The following PLCL1 variants were observed in gnomAD, a reference collection of about 807,000 sequenced individuals.
The protein encoded by PLCL1 is inactive phospholipase C-like protein 1.
Under a neutral mutation model 84.4 loss-of-function variants are expected in PLCL1, and 41 were observed. The observed-to-expected ratio is 0.49, with a 90% confidence interval of 0.38 to 0.63. The LOEUF (loss-of-function observed/expected upper bound fraction) is 0.63, where lower values mean the gene tolerates loss of function less well. PLCL1 is among the 30% of genes least tolerant of loss of function. The pLI is 0.00. For synonymous variants in PLCL1, 490 were observed against 488.3 expected (o/e 1.00, Z -0.05); for missense variants, 1,206 against 1,367.8 (o/e 0.88, Z 1.87).
intron 1 of PLCL1, among the ~76,000 whole-genome samples, chr2:197,889,675 A>G (rs894789399): frequency 2.6e-5 from 4 of 152,198 alleles, no homozygotes; most frequent in African/African-American, 9.7e-5. Flanking sequence ...TCCAAACTAT[A>G]ATAAAATCCT....
In PLCL1 at chr2:198,032,408, T is replaced by C. The variant is rs900294464; in HGVS notation, c.241-51350T>C. Among the ~76,000 whole-genome samples the C allele has an allele frequency of 2.6e-5, 4 of 152,206 alleles. No individual in the cohort carries two copies. In the East Asian group the frequency reaches 7.7e-4, roughly 29 times the overall value. On this transcript the variant is annotated intron_variant, in intron 1 of 5. Transcript: ENST00000428675. The stretch of plus-strand genomic sequence containing the variant: ...CTGTTTGTCATCAGTGACAAGAGAT[T>C]GCCTCAGAAAGATAAAATAAGACTG...
intron 5 of PLCL1, among the ~76,000 whole-genome samples, 157 bp downstream of exon 5, chr2:198,104,093 A>G (rs1693411726): frequency 6.6e-6 from 1 of 151,746 alleles, no homozygotes; most frequent in Admixed American, 6.6e-5. Context: ...ATATAGGTAA[A>G]CTGTGTGTCG....
chr2:197,886,608 A>T (rs1341449824), intron 1 of PLCL1, among the ~76,000 whole-genome samples: 2 of 152,046 alleles, frequency 1.3e-5, no homozygotes, highest in East Asian at 3.9e-4. Context: ...AAAAAAAATT[A>T]TCAGAAAGAG....
At chr2:197,946,346 A>T (rs1689269423) in intron 1 of PLCL1, among the ~76,000 whole-genome samples, 1 of 152,196 alleles carries the variant, frequency 6.6e-6, no homozygotes, top group Admixed American at 6.5e-5. Flanking sequence ...GGGAAAAATA[A>T]TGACAGTACA....
chr2:197,870,175 G>GAATTACTA, intron 1 of PLCL1, among the ~76,000 whole-genome samples: 1 of 152,230 alleles, frequency 6.6e-6, no homozygotes, highest in South Asian at 2.1e-4. Context: ...GCTAGAATTT[G>GAATTACTA]AATTACTAAA....
intron 1 of PLCL1, among the ~76,000 whole-genome samples, chr2:198,058,009 TA>T (rs777821454): frequency 6.6e-6 from 1 of 152,310 alleles, no homozygotes; most frequent in Non-Finnish European, 1.5e-5. Flanking sequence ...ATTCAACAAA[TA>T]AATACTATGT....
At chr2:198,045,422 A>G (rs1317958116) in intron 1 of PLCL1, among the ~76,000 whole-genome samples, 1 of 152,166 alleles carries the variant, frequency 6.6e-6, no homozygotes, top group East Asian at 1.9e-4. Context: ...ATATTGCATT[A>G]TTTTAGATGG....
At position 197,877,653 on chromosome 2, in the gene PLCL1, T is replaced by C. The variant is rs552187921; in HGVS notation, c.240+72314T>C. On this transcript the variant is annotated intron_variant, in intron 1 of 5. Coordinates refer to ENST00000428675, the MANE Select transcript of PLCL1 (RefSeq NM_006226.4). Reference sequence around the variant, plus strand: ...CTGCCCAGGCCTGACTGGTTTAAAATGATGGTAATTCTAAAATATAAACAA... The same window carrying C: ...CTGCCCAGGCCTGACTGGTTTAAAACGATGGTAATTCTAAAATATAAACAA... Among the ~76,000 whole-genome samples, 36 of 152,214 alleles carry C rather than the reference T, an allele frequency of 2.4e-4. No homozygotes were observed. The South Asian group carries it at 7.0e-3, about 30-fold the overall frequency.
At chr2:197,969,345 AAT>A (rs1689813200) in intron 1 of PLCL1, among the ~76,000 whole-genome samples, 1 of 152,170 alleles carries the variant, frequency 6.6e-6, no homozygotes, top group Middle Eastern at 3.2e-3. Flanking sequence ...TGTCCTCTAT[AAT>A]AGAGTTGAGA....
chr2:197,929,856 T>C (rs1559048250), intron 1 of PLCL1, among the ~76,000 whole-genome samples: 1 of 152,204 alleles, frequency 6.6e-6, no homozygotes, highest in African/African-American at 2.4e-5. Context: ...TGTGAGGTTA[T>C]AGAATAATAG....
intron 1 of PLCL1, among the ~76,000 whole-genome samples, chr2:197,909,269 C>T (rs935891762): frequency 6.6e-6 from 1 of 152,154 alleles, no homozygotes; most frequent in East Asian, 1.9e-4. Context: ...ACCTTTCTTG[C>T]CCATTCTGGT....
At chr2:197,936,924 T>G (rs1242916498) in intron 1 of PLCL1, among the ~76,000 whole-genome samples, 6 of 152,204 alleles carry the variant, frequency 3.9e-5, no homozygotes, top group Non-Finnish European at 8.8e-5. Flanking sequence ...GGTCCTATAT[T>G]TAAGTCTTCA....
chr2:197,850,035 C>T (rs1397321144), intron 1 of PLCL1, among the ~76,000 whole-genome samples: 1 of 42,690 alleles, frequency 2.3e-5, no homozygotes, highest in African/African-American at 1.6e-4. Flanking sequence ...CACACAGACA[C>T]ACACACACAC....
chr2:197,820,572 TAAAAGCCAGAAGAG>T (rs1403250613), intron 1 of PLCL1, among the ~76,000 whole-genome samples: 9 of 152,146 alleles, frequency 5.9e-5, no homozygotes, highest in Non-Finnish European at 1.5e-5. Flanking sequence ...TGAAGCCTGT[TAAAAGCCAGAAGAG>T]AAAAGCAATA....
At position 198,147,084 on chromosome 2, in the gene PLCL1, A is replaced by G; in HGVS notation, c.*122A>G. 1.5e-6 allele frequency: 1 copy of G among 674,948 alleles called. No individual in the cohort carries two copies. Among genetic ancestry groups the G allele is most frequent in the East Asian group, 2.8e-5 (1 of 35,482 alleles). The allele number at this position is 674,948 out of a possible 1,614,324, so 41.8% of individuals were successfully genotyped here. A position where few individuals can be genotyped will look rare whatever the true frequency, so the allele number is the denominator to read the frequency against. ...GTGCCCTATATGGGGTATTGGACATAGATATTTTCACAATGTCAGTATTTC... is the reference window on the plus strand; with the variant it reads ...GTGCCCTATATGGGGTATTGGACATGGATATTTTCACAATGTCAGTATTTC... On this transcript the variant is annotated 3_prime_UTR_variant, in exon 6 of 6. Transcript: ENST00000428675.
At chr2:197,867,550 A>G (rs1312402629) in intron 1 of PLCL1, among the ~76,000 whole-genome samples, 2 of 152,134 alleles carry the variant, frequency 1.3e-5, no homozygotes, top group African/African-American at 4.8e-5. Flanking sequence ...CATAGTTTCT[A>G]ATCTTTTGTT....
At chr2:197,987,101 A>G (rs1322174797) in intron 1 of PLCL1, among the ~76,000 whole-genome samples, 1 of 152,196 alleles carries the variant, frequency 6.6e-6, no homozygotes, top group African/African-American at 2.4e-5. Context: ...GCTAAAATAT[A>G]AAGTCTCATT....
chr2:198,131,659 T>C (rs949626961), intron 5 of PLCL1, among the ~76,000 whole-genome samples: 1 of 152,240 alleles, frequency 6.6e-6, no homozygotes, highest in Non-Finnish European at 1.5e-5. Flanking sequence ...TAACCCCTAT[T>C]CTTTCTATCC....
At chr2:198,128,189 A>G (rs1312913578) in intron 5 of PLCL1, among the ~76,000 whole-genome samples, 1 of 152,130 alleles carries the variant, frequency 6.6e-6, no homozygotes, top group African/African-American at 2.4e-5. Flanking sequence ...GACCTGTCCT[A>G]TGGGGACAAG....
Sources: allele counts gnomAD v4.1 joint callset (sites outside exome capture counted in the v4.1 genomes callset), GRCh38; gene constraint gnomAD v4.1.1; transcripts MANE v1.5; gene names NCBI Gene and HGNC (gene_info 2026-07-23, HGNC 2026-07-21).